Variants in SPAM1 observed in about 807,000 individuals in gnomAD.
SPAM1 encodes the protein sperm adhesion molecule 1.
A neutral mutation model predicts 29.6 loss-of-function variants in SPAM1; 22 were observed. The ratio of observed to expected loss-of-function variants is 0.74; its 90% confidence interval spans 0.53 to 1.06. The LOEUF (loss-of-function observed/expected upper bound fraction) is 1.06, where lower values mean the gene tolerates loss of function less well. Ranked by LOEUF, SPAM1 falls within the 50% of genes least tolerant of loss-of-function variation. The pLI, the probability that SPAM1 is intolerant of heterozygous loss-of-function variation, is 0.00. For synonymous variants in SPAM1, 194 were observed against 204.6 expected, an observed-to-expected ratio of 0.95 and a Z score of 0.44; for missense variants, 534 against 604.0, an observed-to-expected ratio of 0.88 and a Z score of 1.21.
intron 2 of SPAM1, among the ~76,000 whole-genome samples, 154 bp from the exon 3 acceptor site, chr7:123,953,211 G>A (rs1792154256): frequency 6.6e-6 from 1 of 152,024 alleles, no homozygotes; most frequent in Non-Finnish European, 1.5e-5. Context: ...TCATACATGA[G>A]AGGAAATAAT....
In SPAM1 at chr7:123,954,248, C is replaced by T. The variant is rs1158884051; in HGVS notation, c.678C>T (p.Asn226=). 1.2e-6 allele frequency: 2 copies of T among 1,613,066 alleles called. No homozygotes were observed. The highest frequency in any genetic ancestry group is 2.2e-5 in the East Asian group (1 of 44,856). The change falls in exon 3 of 5, where the codon AAC becomes AAT. Residue 226 remains asparagine, a synonymous_variant. Coordinates refer to ENST00000682466, the MANE Select transcript of SPAM1 (RefSeq NM_153189.3). ...ATTATCTTTTTCCGGATTGTTACAA[C>T]CATCACTATAAGAAACCCGGTTACA... ...WGYYLFPDCY[N]HHYKKPGYNG...
chr7:123,939,330 C>T (rs886733486), intron 1 of SPAM1, among the ~76,000 whole-genome samples: 7 of 152,112 alleles, frequency 4.6e-5, no homozygotes, highest in Non-Finnish European at 2.9e-5. Context: ...CGTGATCTGC[C>T]CGCCTCGGCC....
At chr7:123,940,844 C>T (rs567375455) in intron 1 of SPAM1, among the ~76,000 whole-genome samples, 21 of 152,126 alleles carry the variant, frequency 1.4e-4, no homozygotes, top group Non-Finnish European at 2.4e-4. Flanking sequence ...TTTCTTATAA[C>T]ACATCAATGT....
chr7:123,939,217 C>T (rs1000060431), intron 1 of SPAM1, among the ~76,000 whole-genome samples: 24 of 151,924 alleles, frequency 1.6e-4, no homozygotes, highest in African/African-American at 5.6e-4. Flanking sequence ...TCCCGAGTAC[C>T]TGGGACTACA....
intron 1 of SPAM1, among the ~76,000 whole-genome samples, chr7:123,940,737 C>G (rs1808403519): frequency 6.6e-6 from 1 of 152,078 alleles, no homozygotes; most frequent in African/African-American, 2.4e-5. Context: ...CTCAAGTGAT[C>G]CTTCCACGTT....
chr7:123,963,932 A>G (rs1320338221), downstream of SPAM1, among the ~76,000 whole-genome samples: 1 of 151,980 alleles, frequency 6.6e-6, no homozygotes, highest in Non-Finnish European at 1.5e-5. Flanking sequence ...TGCTCAATAC[A>G]TAGCAATGAT....
chr7:123,934,893 G>A (rs993698939), intron 1 of SPAM1, among the ~76,000 whole-genome samples: 1 of 152,094 alleles, frequency 6.6e-6, no homozygotes, highest in Non-Finnish European at 1.5e-5. Context: ...AGCATGACAG[G>A]AGGAATAAGT....
downstream of SPAM1, among the ~76,000 whole-genome samples, chr7:123,964,419 A>G (rs1792397069): frequency 1.3e-5 from 2 of 152,058 alleles, no homozygotes; most frequent in South Asian, 2.1e-4. Context: ...AATAGATATA[A>G]GGAAAAGGAT....
chr7:123,962,303 T>A (rs1792369970), downstream of SPAM1, among the ~76,000 whole-genome samples: 1 of 151,940 alleles, frequency 6.6e-6, no homozygotes, highest in African/African-American at 2.4e-5. Context: ...GACCCCTTGG[T>A]CACTTGTATG....
chr7:123,929,195 G>A (rs1439104102), intron 1 of SPAM1, among the ~76,000 whole-genome samples: 1 of 152,076 alleles, frequency 6.6e-6, no homozygotes, highest in Non-Finnish European at 1.5e-5. Context: ...AAAAACCTTG[G>A]CATCCCCTTC....
At chr7:123,958,469 C>T (rs184339204) in intron 4 of SPAM1, among the ~76,000 whole-genome samples, 1 of 152,084 alleles carries the variant, frequency 6.6e-6, no homozygotes, top group East Asian at 1.9e-4. Flanking sequence ...AAAGTATAGT[C>T]AGTTGAACCC....
At chr7:123,955,353 A>G (rs570395484) in intron 4 of SPAM1, among the ~76,000 whole-genome samples, 7 of 152,164 alleles carry the variant, frequency 4.6e-5, no homozygotes, top group South Asian at 4.1e-4. Flanking sequence ...AAACAGGACT[A>G]CAATCTCAAT....
rs773789792 is a variant in SPAM1, at chr7:123,954,543, G to C, written c.954+19G>C. 8.2e-6 allele frequency: 12 copies of C among 1,455,240 alleles called. No homozygotes were observed. The highest frequency in any genetic ancestry group is 1.1e-5 in the Non-Finnish European group (12 of 1,066,828). The allele number at this position is 1,455,240 out of a possible 1,614,324, so 90.1% of individuals were successfully genotyped here. On this transcript the variant is annotated intron_variant, in intron 3 of 4. Transcript: ENST00000682466. ...TTCTCAAGTAAGTAAATCAGGGTAT[G>C]AGGGCTAGGAAATGAAATTCACAAA...
intron 1 of SPAM1, among the ~76,000 whole-genome samples, chr7:123,933,593 T>G (rs1214698300): frequency 1.3e-5 from 2 of 152,206 alleles, no homozygotes; most frequent in Non-Finnish European, 2.9e-5. Context: ...TAGGATTGTT[T>G]GTACAGATCC....
At chr7:123,935,931 G>A (rs1387117465) in intron 1 of SPAM1, among the ~76,000 whole-genome samples, 1 of 151,672 alleles carries the variant, frequency 6.6e-6, no homozygotes, top group African/African-American at 2.4e-5. Context: ...TTTTTTTAAA[G>A]GCTTATTACA....
chr7:123,941,862 C>T (rs184841795), intron 1 of SPAM1, among the ~76,000 whole-genome samples: 1 of 152,206 alleles, frequency 6.6e-6, no homozygotes, highest in Non-Finnish European at 1.5e-5. Context: ...TCCCTTGTGG[C>T]TAGGGCAGTT....
intron 1 of SPAM1, among the ~76,000 whole-genome samples, chr7:123,930,880 T>G (rs553433084): frequency 6.6e-6 from 1 of 152,270 alleles, no homozygotes; most frequent in East Asian, 1.9e-4. Context: ...ACAAAGGGAC[T>G]CGATCCCCTG....
intron 1 of SPAM1, among the ~76,000 whole-genome samples, chr7:123,933,302 T>G (rs564240762): frequency 6.6e-6 from 1 of 152,134 alleles, no homozygotes; most frequent in Admixed American, 6.6e-5. Context: ...CTCCCACTTA[T>G]AAGCGAGAAC....
At chr7:123,943,816 G>T (rs1417223267) in intron 1 of SPAM1, among the ~76,000 whole-genome samples, 1 of 151,976 alleles carries the variant, frequency 6.6e-6, no homozygotes, top group African/African-American at 2.4e-5. Context: ...TTAAAAAAAC[G>T]AAAGCAGAAA....
Sources: allele counts gnomAD v4.1 joint callset (sites outside exome capture counted in the v4.1 genomes callset), GRCh38; gene constraint gnomAD v4.1.1; transcripts MANE v1.5; gene names NCBI Gene and HGNC (gene_info 2026-07-23, HGNC 2026-07-21).